VPS8: variants seen among roughly 807,000 people sequenced by gnomAD.
VPS8 encodes the protein vacuolar protein sorting-associated protein 8 homolog.
In VPS8, 129 loss-of-function variants were observed where a neutral mutation model predicts 216.4. That is an observed-to-expected ratio of 0.60 (90% CI 0.52 to 0.69). The LOEUF (loss-of-function observed/expected upper bound fraction) is 0.69. VPS8 is among the 30% of genes least tolerant of loss of function. The pLI is 0.00. For missense variants in VPS8, 1,531 were observed against 1,683.5 expected, an observed-to-expected ratio of 0.91 and a Z score of 1.59; for synonymous variants, 571 against 565.4, an observed-to-expected ratio of 1.01 and a Z score of -0.14.
chr3:184,962,856 TC>T (rs35819101), intron 37 of VPS8, among the ~76,000 whole-genome samples: 72,630 of 151,582 alleles, frequency 0.48, 18,250 homozygotes, highest in Middle Eastern at 0.66. Flanking sequence ...AGGCTTTTAA[TC>T]CATCTGGAGT....
intron 23 of VPS8, among the ~76,000 whole-genome samples, chr3:184,897,869 C>T (rs911300299): frequency 6.6e-5 from 10 of 152,120 alleles, no homozygotes; most frequent in African/African-American, 1.7e-4. Flanking sequence ...TCTGATTTCT[C>T]TCTGTCCTTA....
At chr3:184,826,078 A>G in intron 2 of VPS8, 85 bp from the exon 3 acceptor site, 3 of 905,418 alleles carry the variant, frequency 3.3e-6, no homozygotes, top group Admixed American at 5.3e-5. Context: ...CTTTTAATTG[A>G]TGGTGGTTTT....
At chr3:184,818,249 G>A (rs1299824881) in intron 1 of VPS8, among the ~76,000 whole-genome samples, 3 of 152,116 alleles carry the variant, frequency 2.0e-5, no homozygotes, top group Non-Finnish European at 4.4e-5. Context: ...AAGTCCACTT[G>A]TGCTGGGCGT....
chr3:184,982,457 G>T (rs1750369582), intron 40 of VPS8, 109 bp from the exon 41 acceptor site: 2 of 662,558 alleles, frequency 3.0e-6, no homozygotes, highest in Non-Finnish European at 2.5e-6. Flanking sequence ...ATGTATGTGA[G>T]AAGTACGTTT....
At chr3:184,946,403 A>G (rs1285985421) in intron 36 of VPS8, among the ~76,000 whole-genome samples, 1 of 152,252 alleles carries the variant, frequency 6.6e-6, no homozygotes, top group African/African-American at 2.4e-5. Flanking sequence ...CAGCCAGCCT[A>G]TGAGGCTTGT....
At chr3:184,889,265 A>G (rs1471599864) in intron 22 of VPS8, among the ~76,000 whole-genome samples, 1 of 151,954 alleles carries the variant, frequency 6.6e-6, no homozygotes, top group Non-Finnish European at 1.5e-5. Flanking sequence ...ATTCCTTAGC[A>G]TGCTTTCTCT....
intron 14 of VPS8, among the ~76,000 whole-genome samples, chr3:184,856,359 C>T (rs1725254119): frequency 6.6e-6 from 1 of 152,118 alleles, no homozygotes; most frequent in African/African-American, 2.4e-5. Flanking sequence ...TTAGTATGGA[C>T]TAGAGAGAGT....
At chr3:184,962,884 A>G (rs1746769545) in intron 37 of VPS8, among the ~76,000 whole-genome samples, 1 of 151,978 alleles carries the variant, frequency 6.6e-6, no homozygotes, top group Non-Finnish European at 1.5e-5. Flanking sequence ...TTGCAAGCTG[A>G]TCAAAAGAAG....
chr3:184,814,961 A>G (rs535938660), intron 1 of VPS8, among the ~76,000 whole-genome samples: 6 of 152,312 alleles, frequency 3.9e-5, no homozygotes, highest in African/African-American at 1.4e-4. Context: ...TATTTTCTTT[A>G]TATCCTTATT....
At chr3:184,867,632 G>A (rs781568331) in intron 17 of VPS8, among the ~76,000 whole-genome samples, 1 of 152,156 alleles carries the variant, frequency 6.6e-6, no homozygotes, top group Non-Finnish European at 1.5e-5. Context: ...GATCACATGA[G>A]GCTAAGAGTT....
At chr3:185,045,141 G>A (rs1006204373) in intron 46 of VPS8, among the ~76,000 whole-genome samples, 11 of 44,236 alleles carry the variant, frequency 2.5e-4, no homozygotes, top group African/African-American at 1.0e-3. Context: ...CAGTCCACTC[G>A]TCCTACTCCA....
intron 10 of VPS8, among the ~76,000 whole-genome samples, 163 bp from the exon 11 acceptor site, chr3:184,852,337 G>A (rs1421915451): frequency 1.3e-5 from 2 of 152,108 alleles, no homozygotes; most frequent in African/African-American, 2.4e-5. Context: ...TCTAAATAAA[G>A]GTAAGTTTGT....
intron 45 of VPS8, among the ~76,000 whole-genome samples, chr3:185,019,330 G>A (rs1756300657): frequency 6.6e-6 from 1 of 151,802 alleles, no homozygotes; most frequent in Admixed American, 6.6e-5. Flanking sequence ...TAACCCAGCG[G>A]CACTAGAGGA....
In VPS8 at chr3:184,930,578, C is replaced by T. The variant is rs745653984; in HGVS notation, c.2898+10C>T. 35 of 1,593,324 alleles carry T rather than the reference C, an allele frequency of 2.2e-5. No individual in the cohort carries two copies. Among genetic ancestry groups the T allele is most frequent in the Admixed American group, 3.3e-5 (2 of 59,778 alleles). ...AATGGATCATATTGAGGTACTGATG[C>T]GCAAAACTTCACACTTCACCATCTG... On this transcript the variant is annotated intron_variant, in intron 34 of 47. Transcript: ENST00000625842.
chr3:184,996,960 A>C (rs1011776801), intron 44 of VPS8, among the ~76,000 whole-genome samples: 1 of 152,230 alleles, frequency 6.6e-6, no homozygotes, highest in African/African-American at 2.4e-5. Flanking sequence ...CCGTTGTCTA[A>C]GATGAGGAAG....
intron 21 of VPS8, among the ~76,000 whole-genome samples, chr3:184,884,476 A>G (rs979645077): frequency 6.6e-6 from 1 of 152,166 alleles, no homozygotes; most frequent in African/African-American, 2.4e-5. Context: ...TTGTTCTCAT[A>G]CTAAGGAGAT....
intron 36 of VPS8, among the ~76,000 whole-genome samples, chr3:184,953,102 G>A (rs1437914317): frequency 2.6e-5 from 4 of 152,176 alleles, no homozygotes. Flanking sequence ...TTACCAAACT[G>A]AACCTGGGTC....
At chr3:184,971,843 G>A in intron 40 of VPS8, 91 bp downstream of exon 40, 1 of 995,230 alleles carries the variant, frequency 1.0e-6, no homozygotes, top group Non-Finnish European at 1.5e-6. Context: ...GGGAGGCCGA[G>A]ACGGACAGAT....
chr3:184,952,977 G>A (rs1194256358), intron 36 of VPS8, among the ~76,000 whole-genome samples: 1 of 152,182 alleles, frequency 6.6e-6, no homozygotes, highest in Non-Finnish European at 1.5e-5. Flanking sequence ...GCTGTTTTCT[G>A]TTTACTCCTT....
Sources: gnomAD v4.1 joint callset for allele counts (sites outside exome capture counted in the v4.1 genomes callset) on GRCh38, gnomAD v4.1.1 for gene constraint, MANE v1.5 for transcripts, NCBI Gene and HGNC (gene_info 2026-07-23, HGNC 2026-07-21) for gene names.